The following CABIN1 variants were observed in gnomAD, a reference collection of about 807,000 sequenced individuals.
The protein encoded by CABIN1 is calcineurin-binding protein cabin-1.
Under a neutral mutation model 227.7 loss-of-function variants are expected in CABIN1, and 133 were observed. The observed-to-expected ratio is 0.58, with a 90% CI of 0.51 to 0.67. CABIN1 has a LOEUF of 0.67. CABIN1 is among the 30% of genes least tolerant of loss of function. The pLI is 0.00. For synonymous variants in CABIN1, 1,086 were observed against 1,155.1 expected (o/e 0.94, Z 1.21); for missense variants, 2,408 against 2,852.5 (o/e 0.84, Z 3.55).
At chr22:24,065,783 C>G (rs1263409807) in intron 15 of CABIN1, among the ~76,000 whole-genome samples, 1 of 152,272 alleles carries the variant, frequency 6.6e-6, no homozygotes, top group Non-Finnish European at 1.5e-5. Flanking sequence ...TGGCGGATCA[C>G]TCGCGATTAG....
intron 34 of CABIN1, 119 bp downstream of exon 34, chr22:24,172,114 C>T (rs2046849881): frequency 1.6e-6 from 2 of 1,282,974 alleles, no homozygotes; most frequent in African/African-American, 1.5e-5. Flanking sequence ...CCAGTCGATC[C>T]CACAGGGTGG....
intron 1 of CABIN1, among the ~76,000 whole-genome samples, chr22:24,017,097 C>A (rs913472391): frequency 7.0e-6 from 1 of 142,458 alleles, no homozygotes; most frequent in African/African-American, 2.6e-5. Context: ...AGTGCAATGG[C>A]GCGATCTCGG....
At chr22:24,122,468 G>A (rs2043472551) in intron 28 of CABIN1, among the ~76,000 whole-genome samples, 1 of 152,108 alleles carries the variant, frequency 6.6e-6, no homozygotes, top group African/African-American at 2.4e-5. Flanking sequence ...AGCACTTTGG[G>A]AGGCTGAGGC....
At position 24,070,840 on chromosome 22, in the gene CABIN1, A is replaced by G. The variant is rs753769282; in HGVS notation, c.2273A>G (p.Glu758Gly). ...CTGAAGGACTATCGGCAGTGTTTTG[A>G]GTGTTCCGATGTGGCTCTGAACGAG... The part of the protein sequence containing the change: ...LRLKDYRQCF[E>G]CSDVALNEAV... The change falls in exon 17 of 37, where the codon GAG becomes GGG. Residue 758 changes from glutamate to glycine, a missense_variant. Around this residue, in one of 3 missense-constraint regions of CABIN1, gnomAD observed 1,045 missense variants for 1,168.4 expected, o/e 0.89. Transcript: ENST00000263119. 6.8e-6 allele frequency: 11 copies of G among 1,614,148 alleles called. No homozygotes were observed. In the Admixed American group the frequency reaches 1.8e-4, roughly 27 times the overall value.
At chr22:24,138,402 G>C (rs1461355468) in intron 29 of CABIN1, among the ~76,000 whole-genome samples, 29 of 152,084 alleles carry the variant, frequency 1.9e-4, no homozygotes, top group Admixed American at 1.9e-3. Flanking sequence ...ACAGAGTCTT[G>C]CTATATTGCC....
chr22:24,137,172 G>T (rs1241880967), intron 29 of CABIN1, among the ~76,000 whole-genome samples: 1 of 152,108 alleles, frequency 6.6e-6, no homozygotes, highest in African/African-American at 2.4e-5. Context: ...CTCTCCTTTT[G>T]GTGCTTTGCC....
At chr22:24,044,459 G>T (rs1473852037) in intron 6 of CABIN1, among the ~76,000 whole-genome samples, 1 of 152,154 alleles carries the variant, frequency 6.6e-6, no homozygotes, top group Non-Finnish European at 1.5e-5. Context: ...TTGTTGGTCA[G>T]TCACACTCAT....
At position 24,164,574 on chromosome 22, in the gene CABIN1, C is replaced by G. The variant is rs748596118; in HGVS notation, c.4910+11C>G. On this transcript the variant is annotated intron_variant, in intron 30 of 36. Transcript: ENST00000263119. The stretch of plus-strand genomic sequence containing the variant: ...CCCAGACCAGGGCAAGTGAGTGCAG[C>G]CACCCTGGACACAGCCTGGCATGCT... 4 of 1,602,018 alleles carry G rather than the reference C, an allele frequency of 2.5e-6. No individual in the cohort carries two copies. In the African/African-American group the frequency reaches 5.3e-5, roughly 21 times the overall value.
chr22:24,131,632 C>G (rs1222535093), intron 28 of CABIN1, among the ~76,000 whole-genome samples: 1 of 152,212 alleles, frequency 6.6e-6, no homozygotes, highest in Non-Finnish European at 1.5e-5. Context: ...AGTCCCTTAT[C>G]CCCATAACAG....
At position 24,164,560 on chromosome 22, in the gene CABIN1, G is replaced by T; in HGVS notation, c.4907G>T (p.Gly1636Val). ...SSMLQRTPDQ[G>V]KKYLRDADRQ... Reference sequence around the variant, plus strand: ...ATGCTTCAGCGGACCCCAGACCAGGGCAAGTGAGTGCAGCCACCCTGGACA... The same window carrying T: ...ATGCTTCAGCGGACCCCAGACCAGGTCAAGTGAGTGCAGCCACCCTGGACA... Residue 1636 changes from glycine to valine, a missense_variant, in exon 30 of 37, where the codon GGC (glycine) becomes GTC (valine). Transcript: ENST00000263119. 1 of 1,603,398 alleles carries T rather than the reference G, an allele frequency of 6.2e-7. No homozygotes were observed.
intron 28 of CABIN1, among the ~76,000 whole-genome samples, chr22:24,130,071 A>G (rs1016725776): frequency 6.6e-6 from 1 of 152,230 alleles, no homozygotes; most frequent in African/African-American, 2.4e-5. Context: ...ACTTCTCTTC[A>G]GGACCTTACA....
chr22:24,038,035 G>C (rs2037057461), intron 3 of CABIN1, among the ~76,000 whole-genome samples: 1 of 152,206 alleles, frequency 6.6e-6, no homozygotes, highest in Admixed American at 6.5e-5. Flanking sequence ...GAGCTTCCGT[G>C]CCCTCTCCAG....
rs1206660096 is a variant in CABIN1, at chr22:24,076,190, T to C, written c.2654T>C (p.Leu885Pro). The change falls in exon 19 of 37, where the codon CTC becomes CCC. Residue 885 changes from leucine (L) to proline (P), a missense_variant. By Grantham distance (98) the Leu-to-Pro change is moderately conservative. Around this residue, in one of 3 missense-constraint regions of CABIN1, gnomAD observed 1,045 missense variants for 1,168.4 expected, o/e 0.89. Coordinates refer to ENST00000263119, the MANE Select transcript of CABIN1 (RefSeq NM_012295.4). ...CTAGGGATGTCAGAGACGCCCATGC[T>C]CCCATCCTCCCTCATGCTGCTGAAC... ...AEEGMSETPMLPSSLMLLNTA... is the reference protein window; with the variant it reads ...AEEGMSETPMPPSSLMLLNTA... 1.9e-6 allele frequency: 3 copies of C among 1,614,140 alleles called. No individual in the cohort carries two copies. In the South Asian group the frequency reaches 3.3e-5, roughly 18 times the overall value.
At chr22:24,019,724 C>CTCTGCTTTTT (rs2035582823) in intron 1 of CABIN1, among the ~76,000 whole-genome samples, 3 of 124,872 alleles carry the variant, frequency 2.4e-5, no homozygotes, top group Admixed American at 1.0e-4. Context: ...ATGGTGCAAT[C>CTCTGCTTTTT]TTAGCTCACC....
rs1428249225 is a variant in CABIN1, at chr22:24,063,161, CAGCTGCTTGGGG to C, written c.1884+19_1884+30del. The C allele has an allele frequency of 7.4e-6, 12 of 1,613,482 alleles. No individual in the cohort carries two copies. Among genetic ancestry groups the C allele is most frequent in the Non-Finnish European group, 1.0e-5 (12 of 1,179,672 alleles). Reference sequence around the variant, plus strand: ...TGGCGCTGCAGGTTAGTTCCATGGTCAGCTGCTTGGGGAGCATGCCCTGACACCCAGCAGGGT... The same window carrying C: ...TGGCGCTGCAGGTTAGTTCCATGGTCAGCATGCCCTGACACCCAGCAGGGT... On this transcript the variant is annotated intron_variant, in intron 14 of 36. Transcript: ENST00000263119.
rs2038787607 is a variant in CABIN1, at chr22:24,056,248, G to T, written c.1150G>T (p.Glu384Ter). 1 of 1,613,964 alleles carries T rather than the reference G, an allele frequency of 6.2e-7. No homozygotes were observed. The highest frequency in any genetic ancestry group is 1.3e-5 in the African/African-American group (1 of 74,906). Residue 384 changes from glutamate to a stop codon, truncating the protein, a stop_gained, in exon 10 of 37, where the codon GAA (glutamate) becomes TAA (stop). Transcript: ENST00000263119. LOFTEE classifies it high-confidence loss of function. Reference sequence around the variant, plus strand: ...AGGGGTAAAACGGAAGAAGATTTCAGAAGAGAGTGGAGAAACAGCAAAGCG... The same window carrying T: ...AGGGGTAAAACGGAAGAAGATTTCATAAGAGAGTGGAGAAACAGCAAAGCG... ...KKGVKRKKIS[E>*]ESGETAKRRS... is the part of the protein sequence containing the mutation.
At chr22:24,160,233 C>T (rs1212630904) in intron 29 of CABIN1, 1 of 152,228 alleles carries the variant, frequency 6.6e-6, no homozygotes, top group Non-Finnish European at 1.5e-5. Context: ...ACCTGACCCT[C>T]GTCCACTCTG....
intron 16 of CABIN1, among the ~76,000 whole-genome samples, chr22:24,068,045 C>T (rs3788367): frequency 0.016 from 2,465 of 152,224 alleles, 82 homozygotes; most frequent in East Asian, 0.14. Context: ...AAAGAGAGTC[C>T]AGTCTTCTCC....
intron 9 of CABIN1, among the ~76,000 whole-genome samples, chr22:24,055,763 C>T (rs1217224904): frequency 6.6e-6 from 1 of 152,188 alleles, no homozygotes; most frequent in African/African-American, 2.4e-5. Context: ...TCATACATGA[C>T]ATTCTTCTAT....
Sources: allele counts gnomAD v4.1 joint callset (sites outside exome capture counted in the v4.1 genomes callset), GRCh38; gene constraint gnomAD v4.1.1; regional missense constraint gnomAD v4.1.1; transcripts MANE v1.5; gene names NCBI Gene and HGNC (gene_info 2026-07-23, HGNC 2026-07-21).